Variants in PDCL2 observed in about 807,000 individuals in gnomAD.
The protein encoded by PDCL2 is phosducin-like protein 2.
In PDCL2, 23 loss-of-function variants were observed where a neutral mutation model predicts 30.3. The observed-to-expected ratio is 0.76, with a 90% confidence interval of 0.55 to 1.08. The LOEUF (loss-of-function observed/expected upper bound fraction) is 1.08, where lower values mean the gene tolerates loss of function less well. Among genes scored for constraint, PDCL2 ranks in the 50% least tolerant of loss-of-function variants. The pLI is 0.00. For missense variants in PDCL2, 243 were observed against 282.3 expected, an observed-to-expected ratio of 0.86 and a Z score of 1.00; for synonymous variants, 68 against 86.2, an observed-to-expected ratio of 0.79 and a Z score of 1.17.
intron 2 of PDCL2, among the ~76,000 whole-genome samples, chr4:55,581,743 A>G (rs1732718109): frequency 6.6e-6 from 1 of 152,126 alleles, no homozygotes; most frequent in Non-Finnish European, 1.5e-5. Context: ...TGTTGCCCAG[A>G]GCAGTGCAGG....
In PDCL2 at chr4:55,592,232, G is replaced by A; in HGVS notation, c.-123C>T. On this transcript the variant is annotated 5_prime_UTR_variant, in exon 1 of 6. Transcript: ENST00000295645. ...CGCTTCAGGCCCGGCGGTTTCGAGT[G>A]ACCGCCAGAAGAGGGAGAGGCGAAC... 1 of 1,433,998 alleles carries A rather than the reference G, an allele frequency of 7.0e-7. No homozygotes were observed. Among genetic ancestry groups the A allele is most frequent in the Admixed American group, 2.0e-5 (1 of 48,904 alleles). 88.8% of individuals were successfully genotyped at this position (1,433,998 alleles called of 1,614,324 possible). A position where few individuals can be genotyped will look rare whatever the true frequency, so the allele number is the denominator to read the frequency against.
At chr4:55,574,959 T>C (rs11942472) in intron 3 of PDCL2, among the ~76,000 whole-genome samples, 51,245 of 152,114 alleles carry the variant, frequency 0.34, 9,316 homozygotes, top group East Asian at 0.58. Context: ...GCTAACTTTA[T>C]ATTTAACCTT....
intron 1 of PDCL2, among the ~76,000 whole-genome samples, chr4:55,585,999 T>A (rs1179069607): frequency 6.6e-6 from 1 of 152,162 alleles, no homozygotes; most frequent in Non-Finnish European, 1.5e-5. Context: ...ATTTTTTCTA[T>A]TGTTTTTCTA....
chr4:55,574,105 A>G (rs1408222511), intron 3 of PDCL2, among the ~76,000 whole-genome samples: 4 of 152,226 alleles, frequency 2.6e-5, no homozygotes, highest in South Asian at 2.1e-4. Flanking sequence ...CACTAGCAAG[A>G]TAAGTACAGA....
intron 1 of PDCL2, among the ~76,000 whole-genome samples, chr4:55,587,395 A>C (rs79244569): frequency 0.043 from 6,565 of 152,048 alleles, 445 homozygotes; most frequent in African/African-American, 0.15. Flanking sequence ...AGACACACTC[A>C]AACTATAGCA....
In PDCL2 at chr4:55,558,121, G is replaced by A. The variant is rs1471262558; in HGVS notation, c.572-1410C>T. Among the ~76,000 whole-genome samples, 18 of 80,510 alleles carry A rather than the reference G, an allele frequency of 2.2e-4. 1 individual carries two copies. Among genetic ancestry groups the A allele is most frequent in the East Asian group, 1.3e-3 (2 of 1,594 alleles). 52.8% of individuals were successfully genotyped at this position (80,510 alleles called of 152,430 possible). On this transcript the variant is annotated intron_variant, in intron 5 of 5. Coordinates refer to ENST00000295645, the MANE Select transcript of PDCL2 (RefSeq NM_152401.3). ...CAGTTGGGCAACAGTGCAAGACTCC[G>A]TCTCAAAAAAAAAAAAAAAAGAATG...
chr4:55,556,715 TAATA>T lies in PDCL2; in HGVS notation c.572-8_572-5del, dbSNP rs768935229. Reference sequence around the variant, plus strand: ...TCTGCTAGCTTCCATTCAAGTTCTGTAATAAATAACCCATCATTCAGTTAAAAAT... The same window carrying T: ...TCTGCTAGCTTCCATTCAAGTTCTGTAATAACCCATCATTCAGTTAAAAAT... On this transcript the variant is annotated splice_region_variant and splice_polypyrimidine_tract_variant and intron_variant, in intron 5 of 5. Transcript: ENST00000295645. 36 of 1,536,870 alleles carry T rather than the reference TAATA, an allele frequency of 2.3e-5. No individual in the cohort carries two copies. The South Asian group carries it at 3.3e-4, about 14-fold the overall frequency.
chr4:55,572,011 T>C (rs1205974928), intron 3 of PDCL2, among the ~76,000 whole-genome samples: 2 of 152,146 alleles, frequency 1.3e-5, no homozygotes, highest in Non-Finnish European at 2.9e-5. Flanking sequence ...GTTCCAATGA[T>C]GACACCATGC....
chr4:55,584,408 C>T (rs1036084346), intron 1 of PDCL2, among the ~76,000 whole-genome samples: 1 of 152,042 alleles, frequency 6.6e-6, no homozygotes, highest in East Asian at 1.9e-4. Context: ...AGGTGCCTAC[C>T]ACCTCGCCCG....
At chr4:55,590,152 G>C (rs897262795) in intron 1 of PDCL2, among the ~76,000 whole-genome samples, 1 of 115,168 alleles carries the variant, frequency 8.7e-6, no homozygotes, top group African/African-American at 3.3e-5. Context: ...AGCTGAGATC[G>C]CACCACTGTA....
At chr4:55,569,243 T>C (rs571676156) in intron 4 of PDCL2, among the ~76,000 whole-genome samples, 20 of 152,300 alleles carry the variant, frequency 1.3e-4, no homozygotes, top group African/African-American at 4.6e-4. Flanking sequence ...CACCTTTATG[T>C]TTTGAAGGTG....
intron 3 of PDCL2, among the ~76,000 whole-genome samples, chr4:55,579,862 T>C (rs75344500): frequency 6.6e-6 from 1 of 151,646 alleles, no homozygotes; most frequent in African/African-American, 2.4e-5. Flanking sequence ...GTTTTTTTTT[T>C]CGAGGTGGAG....
chr4:55,573,103 C>T (rs1002764142), intron 3 of PDCL2, among the ~76,000 whole-genome samples: 2 of 152,102 alleles, frequency 1.3e-5, no homozygotes, highest in Admixed American at 6.5e-5. Flanking sequence ...TTCAAATCCC[C>T]GGTGAAATGT....
chr4:55,577,777 G>A (rs540833138), intron 3 of PDCL2, among the ~76,000 whole-genome samples: 270 of 151,952 alleles, frequency 1.8e-3, no homozygotes, highest in Non-Finnish European at 2.8e-3. Context: ...TTAAGCATCC[G>A]TAAGATAGTT....
intron 3 of PDCL2, among the ~76,000 whole-genome samples, chr4:55,572,098 T>C (rs1206012410): frequency 2.0e-5 from 3 of 152,282 alleles, no homozygotes; most frequent in Middle Eastern, 3.4e-3. Context: ...TTCTCTGTTA[T>C]TTCAGTGGAA....
intron 3 of PDCL2, among the ~76,000 whole-genome samples, chr4:55,572,645 C>T (rs920580746): frequency 2.6e-5 from 4 of 152,128 alleles, no homozygotes; most frequent in Non-Finnish European, 5.9e-5. Flanking sequence ...GCATGTGCAT[C>T]CCCTGAATCT....
At chr4:55,584,675 A>T (rs1044908791) in intron 1 of PDCL2, among the ~76,000 whole-genome samples, 15 of 152,192 alleles carry the variant, frequency 9.9e-5, no homozygotes, top group African/African-American at 3.1e-4. Context: ...AGATTACATC[A>T]TCAGCAAACA....
chr4:55,588,538 C>G (rs1399933108), intron 1 of PDCL2, among the ~76,000 whole-genome samples: 1 of 152,138 alleles, frequency 6.6e-6, no homozygotes, highest in Non-Finnish European at 1.5e-5. Flanking sequence ...AGCTGTACCC[C>G]AACCACACTG....
At chr4:55,569,593 T>C in intron 4 of PDCL2, 125 bp downstream of exon 4, 1 of 489,742 alleles carries the variant, frequency 2.0e-6, no homozygotes, top group Non-Finnish European at 3.4e-6. Flanking sequence ...TCTATGGATG[T>C]ATATGTGTGC....
Sources: allele counts gnomAD v4.1 joint callset (sites outside exome capture counted in the v4.1 genomes callset), GRCh38; gene constraint gnomAD v4.1.1; transcripts MANE v1.5; gene names NCBI Gene and HGNC (gene_info 2026-07-23, HGNC 2026-07-21).